RTTN: variants seen among roughly 807,000 people sequenced by gnomAD.
The protein encoded by RTTN is rotatin.
A neutral mutation model predicts 269.2 loss-of-function variants in RTTN; 182 were observed. That is an observed-to-expected ratio of 0.68 (90% confidence interval 0.60 to 0.76). The LOEUF is 0.76. Ranked by LOEUF, RTTN falls within the 30% of genes least tolerant of loss-of-function variation. The pLI is 0.00. For missense variants in RTTN, 2,545 were observed against 2,608.6 expected (o/e 0.98, Z 0.53); for synonymous variants, 1,006 against 963.5 (o/e 1.04, Z -0.82).
intron 35 of RTTN, among the ~76,000 whole-genome samples, 156 bp from the exon 36 acceptor site, chr18:70,060,198 G>T (rs1432707635): frequency 4.6e-5 from 7 of 152,138 alleles, no homozygotes; most frequent in African/African-American, 1.2e-4. Flanking sequence ...GAGGTTAGGG[G>T]TCAGGCTACC....
intron 18 of RTTN, among the ~76,000 whole-genome samples, chr18:70,142,861 C>T (rs1352990626): frequency 6.6e-6 from 1 of 152,118 alleles, no homozygotes; most frequent in Non-Finnish European, 1.5e-5. Context: ...TCCATCTCTA[C>T]TAAAAATACA....
intron 26 of RTTN, among the ~76,000 whole-genome samples, chr18:70,115,319 T>C (rs746440583): frequency 5.3e-5 from 8 of 151,992 alleles, no homozygotes; most frequent in Non-Finnish European, 1.2e-4. Context: ...GCAATAATCT[T>C]TGCCACCTTG....
In RTTN at chr18:70,204,066, A is replaced by T; in HGVS notation, c.397+20T>A. 1 of 1,529,100 alleles carries T rather than the reference A, an allele frequency of 6.5e-7. No homozygotes were observed. The highest frequency in any genetic ancestry group is 8.9e-7 in the Non-Finnish European group (1 of 1,118,660). 94.7% of individuals were successfully genotyped at this position (1,529,100 alleles called of 1,614,324 possible). A position where few individuals can be genotyped will look rare whatever the true frequency, so the allele number is the denominator to read the frequency against. On this transcript the variant is annotated intron_variant, in intron 3 of 48. Transcript: ENST00000640769. Reference sequence around the variant, plus strand: ...CATTAGAATTAATATATTTGTATTTAACAGATTCCAAAGAGTTACCAGTTT... The same window carrying T: ...CATTAGAATTAATATATTTGTATTTTACAGATTCCAAAGAGTTACCAGTTT...
intron 40 of RTTN, 172 bp from the exon 41 acceptor site, chr18:70,031,153 A>G (rs1349236821): frequency 3.5e-6 from 2 of 569,282 alleles, no homozygotes; most frequent in African/African-American, 3.8e-5. Context: ...CGTGGATAAG[A>G]CTGTATAAGT....
intron 21 of RTTN, chr18:70,139,047 C>CAAA (rs1568446729): frequency 1.4e-5 from 2 of 148,030 alleles, no homozygotes; most frequent in Non-Finnish European, 3.0e-5. Context: ...CTACATGAAA[C>CAAA]GTGTTCATCT....
In RTTN at chr18:70,127,687, T is replaced by G; in HGVS notation, c.3198A>C (p.Thr1066=). 6.2e-7 allele frequency: 1 copy of G among 1,613,412 alleles called. No homozygotes were observed. Among genetic ancestry groups the G allele is most frequent in the Non-Finnish European group, 8.5e-7 (1 of 1,179,642 alleles). Reference sequence around the variant, plus strand: ...AGTCCTGCAGCCCACTAGCCATGTGTGTTATCTTCAGAGTGAGGATGTCCT... The same window carrying G: ...AGTCCTGCAGCCCACTAGCCATGTGGGTTATCTTCAGAGTGAGGATGTCCT... ...STEDILTLKI[T]HMASGLQDCL... The change falls in exon 25 of 49, where the codon ACA becomes ACC. Residue 1066 remains threonine, a synonymous_variant. Coordinates refer to ENST00000640769, the MANE Select transcript of RTTN (RefSeq NM_173630.4).
At position 70,060,049 on chromosome 18, in the gene RTTN, T is replaced by C. The variant is rs141673274; in HGVS notation, c.4748-7A>G. ...GATGTACTTTCCTGGTGACCTATTA[T>C]TGAAAATAAACATAAGAATTATTAT... On this transcript the variant is annotated splice_region_variant and splice_polypyrimidine_tract_variant and intron_variant, in intron 35 of 48. Coordinates refer to ENST00000640769, the MANE Select transcript of RTTN (RefSeq NM_173630.4). The C allele has an allele frequency of 4.7e-4, 756 of 1,598,344 alleles. 5 individuals carry two copies. The East Asian group carries it at 0.015, about 32-fold the overall frequency.
At chr18:70,097,325 T>C (rs1463802477) in intron 28 of RTTN, among the ~76,000 whole-genome samples, 1 of 152,262 alleles carries the variant, frequency 6.6e-6, no homozygotes, top group African/African-American at 2.4e-5. Context: ...TAAGAAACTA[T>C]GAAGCAAATC....
intron 28 of RTTN, among the ~76,000 whole-genome samples, chr18:70,106,709 G>A (rs1404734663): frequency 6.6e-6 from 1 of 151,684 alleles, no homozygotes; most frequent in Non-Finnish European, 1.5e-5. Flanking sequence ...AAAAAAAGAG[G>A]TTTGGATTGA....
At chr18:70,178,714 TAA>T (rs1187156347) in intron 10 of RTTN, among the ~76,000 whole-genome samples, 3 of 151,934 alleles carry the variant, frequency 2.0e-5, no homozygotes. Context: ...AATAAAATTC[TAA>T]AAAAACTTTG....
chr18:70,176,023 C>T (rs1006227306), intron 11 of RTTN, among the ~76,000 whole-genome samples: 10 of 151,904 alleles, frequency 6.6e-5, no homozygotes, highest in African/African-American at 2.4e-4. Flanking sequence ...GCTTTCAATG[C>T]CCTCCAATCA....
chr18:70,152,667 C>T (rs1002832177), intron 14 of RTTN, among the ~76,000 whole-genome samples: 1 of 152,032 alleles, frequency 6.6e-6, no homozygotes, highest in Non-Finnish European at 1.5e-5. Context: ...AAAATTCATC[C>T]TTGATCACTC....
rs778531876 is a variant in RTTN, at chr18:70,169,071, G to A, written c.1477-4C>T. On this transcript the variant is annotated splice_region_variant and splice_polypyrimidine_tract_variant and intron_variant, in intron 11 of 48. Coordinates refer to ENST00000640769, the MANE Select transcript of RTTN (RefSeq NM_173630.4). ...GCTCTGATAAAAACTCGCTTGCCTT[G>A]GTGAATTAAAAAAACAAAAAAATTA... The A allele has an allele frequency of 1.9e-6, 3 of 1,560,266 alleles. No homozygotes were observed. Among genetic ancestry groups the A allele is most frequent in the Non-Finnish European group, 2.6e-6 (3 of 1,161,270 alleles).
chr18:70,163,793 C>T (rs1291622989), intron 14 of RTTN, among the ~76,000 whole-genome samples: 3 of 152,114 alleles, frequency 2.0e-5, no homozygotes, highest in South Asian at 2.1e-4. Flanking sequence ...CATTTCGGCA[C>T]TCGAAAAGTG....
rs778740080 is a variant in RTTN at position 70,127,677 on chromosome 18, T to C, written c.3208A>G (p.Ser1070Gly). ...ILTLKITHMA[S>G]GLQDCLHSIV... Reference sequence around the variant, plus strand: ...GAATGGAGGCAGTCCTGCAGCCCACTAGCCATGTGTGTTATCTTCAGAGTG... The same window carrying C: ...GAATGGAGGCAGTCCTGCAGCCCACCAGCCATGTGTGTTATCTTCAGAGTG... Residue 1070 changes from serine to glycine, a missense_variant, in exon 25 of 49, where the codon AGT becomes GGT. By Grantham distance (56) the Ser-to-Gly change is moderately conservative. Transcript: ENST00000640769. 4 of 1,613,346 alleles carry C rather than the reference T, an allele frequency of 2.5e-6. No homozygotes were observed. The African/African-American group carries it at 5.3e-5, about 22-fold the overall frequency.
In RTTN at chr18:70,092,729, T is replaced by C. The variant is rs201361980; in HGVS notation, c.3979A>G (p.Ile1327Val). 3.7e-6 allele frequency: 6 copies of C among 1,613,806 alleles called. No homozygotes were observed. The highest frequency in any genetic ancestry group is 4.5e-5 in the East Asian group (2 of 44,878). The change falls in exon 29 of 49, where the codon ATT (isoleucine) becomes GTT (valine). Residue 1327 changes from isoleucine (I) to valine (V), a missense_variant. Physicochemically the swap from Ile to Val is conservative, Grantham distance 29. Transcript: ENST00000640769. Reference protein sequence around the residue: ...FMGKGVTKSTILCLLHLSHEM... With the variant: ...FMGKGVTKSTVLCLLHLSHEM... ...TGGGATAAGTGAAGCAAGCAAAGAA[T>C]TGTGCTCTTTGTAACACCTTTTCCC...
chr18:70,065,477 A>G (rs1380276463), intron 35 of RTTN, among the ~76,000 whole-genome samples: 1 of 152,148 alleles, frequency 6.6e-6, no homozygotes, highest in Admixed American at 6.5e-5. Context: ...TAAAACCAGA[A>G]TCGCTTTACT....
intron 11 of RTTN, among the ~76,000 whole-genome samples, chr18:70,174,713 TA>T (rs34093447): frequency 0.017 from 2,281 of 138,184 alleles, 23 homozygotes; most frequent in South Asian, 0.046. Context: ...AAGAAATGGT[TA>T]AAAAAAAAAA....
intron 35 of RTTN, chr18:70,061,280 ACAC>A: frequency 2.2e-6 from 1 of 452,216 alleles, no homozygotes; most frequent in Non-Finnish European, 4.4e-6. Context: ...ACATTAGTGA[ACAC>A]CTCCATTAAC....
Sources: gnomAD v4.1 joint callset for allele counts (sites outside exome capture counted in the v4.1 genomes callset) on GRCh38, gnomAD v4.1.1 for gene constraint, MANE v1.5 for transcripts, NCBI Gene and HGNC (gene_info 2026-07-23, HGNC 2026-07-21) for gene names.